Variants in NALCN observed in about 807,000 individuals in gnomAD.
NALCN encodes the protein sodium leak channel, non-selective, also known as sodium leak channel NALCN.
In NALCN, 111 loss-of-function variants were observed where a neutral mutation model predicts 225.3. The ratio of observed to expected loss-of-function variants is 0.49; its 90% CI spans 0.42 to 0.58. The LOEUF (loss-of-function observed/expected upper bound fraction) is 0.58. NALCN is among the 20% of genes least tolerant of loss of function. The probability of loss-of-function intolerance (pLI) is 0.00; values close to 1 mark genes in which losing one functional copy is unlikely to be tolerated. For missense variants in NALCN, 1,378 were observed against 2,202.4 expected (o/e 0.63, Z 7.49); for synonymous variants, 764 against 769.0 (o/e 0.99, Z 0.11).
intron 7 of NALCN, among the ~76,000 whole-genome samples, chr13:101,342,215 C>T (rs533740549): frequency 2.0e-5 from 3 of 152,248 alleles, no homozygotes; most frequent in Middle Eastern, 3.4e-3. Context: ...AAATTAATCA[C>T]CTGGAGAGCC....
chr13:101,107,232 G>A (rs1343797344), intron 22 of NALCN, among the ~76,000 whole-genome samples: 1 of 152,152 alleles, frequency 6.6e-6, no homozygotes, highest in Non-Finnish European at 1.5e-5. Flanking sequence ...AGTGTATCAG[G>A]AAACTGTTAA....
chr13:101,086,607 TA>T (rs1357214256), intron 30 of NALCN, among the ~76,000 whole-genome samples: 1 of 152,108 alleles, frequency 6.6e-6, no homozygotes, highest in African/African-American at 2.4e-5. Context: ...TTGTTGTAAT[TA>T]GAGTTTTCCT....
chr13:101,274,232 G>T (rs2140262939), intron 10 of NALCN, among the ~76,000 whole-genome samples: 1 of 147,064 alleles, frequency 6.8e-6, no homozygotes, highest in East Asian at 2.0e-4. Flanking sequence ...GATAAGAAAG[G>T]TCTTAGAAGG....
At chr13:101,363,794 C>G (rs1436047162) in intron 6 of NALCN, among the ~76,000 whole-genome samples, 1 of 152,042 alleles carries the variant, frequency 6.6e-6, no homozygotes, top group Non-Finnish European at 1.5e-5. Context: ...ATTGAAGTGA[C>G]AGCCCACAGA....
intron 1 of NALCN, among the ~76,000 whole-genome samples, chr13:101,401,595 T>C (rs920685594): frequency 6.6e-6 from 1 of 152,230 alleles, no homozygotes; most frequent in African/African-American, 2.4e-5. Flanking sequence ...CATTTTTGAT[T>C]ATGGATTTGT....
intron 6 of NALCN, among the ~76,000 whole-genome samples, chr13:101,346,888 C>T (rs1034534861): frequency 2.0e-5 from 3 of 152,090 alleles, no homozygotes; most frequent in Non-Finnish European, 4.4e-5. Flanking sequence ...AATTGTGTTA[C>T]ACTAATTTCC....
chr13:101,332,343 T>A (rs1317190353), intron 7 of NALCN, among the ~76,000 whole-genome samples: 2 of 105,472 alleles, frequency 1.9e-5, no homozygotes, highest in South Asian at 3.0e-4. Flanking sequence ...AAAGGGTAAA[T>A]CTTAAAAACT....
At chr13:101,322,950 G>A (rs1436110939) in intron 7 of NALCN, among the ~76,000 whole-genome samples, 1 of 152,024 alleles carries the variant, frequency 6.6e-6, no homozygotes, top group African/African-American at 2.4e-5. Context: ...GACCTCAGGT[G>A]ATACTGCCCG....
intron 3 of NALCN, among the ~76,000 whole-genome samples, chr13:101,387,169 C>G (rs1010065200): frequency 7.3e-6 from 1 of 136,888 alleles, no homozygotes; most frequent in Admixed American, 8.2e-5. Flanking sequence ...TGCAGTGAGC[C>G]GAGATTGCGC....
intron 17 of NALCN, among the ~76,000 whole-genome samples, chr13:101,130,807 G>A (rs1366981632): frequency 6.6e-6 from 1 of 152,074 alleles, no homozygotes; most frequent in Non-Finnish European, 1.5e-5. Flanking sequence ...CATTTGTCTG[G>A]TGTATGTATT....
rs200015475 is a variant in NALCN, at chr13:101,400,550, T to TGTG, written c.-39-1388_-39-1386dup. 7.1e-4 allele frequency among the ~76,000 whole-genome samples: 76 copies of TGTG among 107,590 alleles called. 3 individuals are homozygous for TGTG. In the East Asian group the frequency reaches 7.5e-3, roughly 11 times the overall value. 70.6% of individuals were successfully genotyped at this position (107,590 alleles called of 152,430 possible). ...AGTACAAGAACATGTTTGCAGTGTG[T>TGTG]GTGTGTGTGTGTGTGTGTGTGTGTG... is the stretch of plus-strand genomic sequence containing the variant. On this transcript the variant is annotated intron_variant, in intron 1 of 43. Coordinates refer to ENST00000251127, the MANE Select transcript of NALCN (RefSeq NM_052867.4).
intron 37 of NALCN, among the ~76,000 whole-genome samples, chr13:101,071,300 G>T (rs2032867272): frequency 1.3e-5 from 2 of 152,188 alleles, no homozygotes; most frequent in South Asian, 4.1e-4. Flanking sequence ...TCCAGGCATT[G>T]ACTTCTCCTT....
intron 6 of NALCN, among the ~76,000 whole-genome samples, chr13:101,368,327 A>G (rs1005675951): frequency 1.3e-5 from 2 of 152,098 alleles, no homozygotes; most frequent in Non-Finnish European, 2.9e-5. Flanking sequence ...TACCAAGGAC[A>G]TGAACTCATC....
intron 7 of NALCN, among the ~76,000 whole-genome samples, chr13:101,298,515 T>A (rs2043836625): frequency 6.6e-6 from 1 of 152,090 alleles, no homozygotes; most frequent in Non-Finnish European, 1.5e-5. Flanking sequence ...AGAGACAGGG[T>A]TTCGTCATGT....
intron 7 of NALCN, among the ~76,000 whole-genome samples, chr13:101,309,981 C>T (rs2044281726): frequency 1.3e-5 from 2 of 152,154 alleles, no homozygotes; most frequent in South Asian, 4.2e-4. Flanking sequence ...AGGCCAGAAG[C>T]TTTAGAATGA....
intron 7 of NALCN, among the ~76,000 whole-genome samples, chr13:101,315,405 C>T (rs531240): frequency 6.6e-6 from 1 of 151,766 alleles, no homozygotes; most frequent in African/African-American, 2.4e-5. Flanking sequence ...GGATCACTAG[C>T]AGTATAGATC....
intron 7 of NALCN, among the ~76,000 whole-genome samples, chr13:101,318,445 A>C (rs1342863423): frequency 6.6e-6 from 1 of 152,200 alleles, no homozygotes; most frequent in Non-Finnish European, 1.5e-5. Context: ...GAACACAGTG[A>C]AGCTGCTGCA....
At chr13:101,297,387 CT>C (rs2043796023) in intron 7 of NALCN, among the ~76,000 whole-genome samples, 1 of 152,212 alleles carries the variant, frequency 6.6e-6, no homozygotes. Flanking sequence ...GAAAAATCAC[CT>C]TCACTCCCAC....
intron 6 of NALCN, among the ~76,000 whole-genome samples, chr13:101,355,369 A>G (rs916671645): frequency 9.4e-6 from 1 of 106,272 alleles, no homozygotes; most frequent in Non-Finnish European, 1.9e-5. Context: ...AAGCAAATGG[A>G]AAGAAAAAAA....
Sources: gnomAD v4.1 joint callset for allele counts (sites outside exome capture counted in the v4.1 genomes callset) on GRCh38, gnomAD v4.1.1 for gene constraint, MANE v1.5 for transcripts, NCBI Gene and HGNC (gene_info 2026-07-23, HGNC 2026-07-21) for gene names.